Variants in NDST4 observed in about 807,000 individuals in gnomAD.
NDST4 encodes N-deacetylase and N-sulfotransferase 4, also known as N-heparan sulfate sulfotransferase 4.
Under a neutral mutation model 100.8 loss-of-function variants are expected in NDST4, and 63 were observed. The observed-to-expected ratio is 0.62, with a 90% CI of 0.51 to 0.77. The LOEUF is 0.77. Among genes scored for constraint, NDST4 ranks in the 30% least tolerant of loss-of-function variants. The probability of loss-of-function intolerance (pLI) is 0.00; values close to 1 mark genes in which losing one functional copy is unlikely to be tolerated. For missense variants in NDST4, 943 were observed against 1,018.4 expected (o/e 0.93, Z 1.01); for synonymous variants, 377 against 361.8 (o/e 1.04, Z -0.48).
chr4:114,940,122 A>G (rs2126227401), intron 4 of NDST4, among the ~76,000 whole-genome samples: 1 of 152,352 alleles, frequency 6.6e-6, no homozygotes, highest in Non-Finnish European at 1.5e-5. Flanking sequence ...AGACACGTAA[A>G]TGACAGAAAA....
intron 2 of NDST4, among the ~76,000 whole-genome samples, chr4:115,025,948 T>C (rs1310864361): frequency 6.6e-6 from 1 of 152,088 alleles, no homozygotes. Context: ...GTCAGTTGGG[T>C]TCATCAACTA....
At chr4:114,968,187 C>T (rs1314480529) in intron 4 of NDST4, among the ~76,000 whole-genome samples, 1 of 152,184 alleles carries the variant, frequency 6.6e-6, no homozygotes, top group Admixed American at 6.5e-5. Context: ...AGCTTAACAA[C>T]TGGGCATAAC....
At chr4:114,981,238 G>A (rs71606735) in intron 2 of NDST4, among the ~76,000 whole-genome samples, 1 of 151,108 alleles carries the variant, frequency 6.6e-6, no homozygotes, top group Admixed American at 6.6e-5. Flanking sequence ...AGGAAGGAAG[G>A]AAGGAAGGAA....
chr4:114,874,363 A>T (rs929349791), intron 6 of NDST4, among the ~76,000 whole-genome samples: 1 of 152,184 alleles, frequency 6.6e-6, no homozygotes, highest in Admixed American at 6.6e-5. Context: ...GGGCAAATGG[A>T]AAATCTGTCT....
At chr4:115,048,412 T>G (rs1728510117) in intron 2 of NDST4, among the ~76,000 whole-genome samples, 1 of 152,188 alleles carries the variant, frequency 6.6e-6, no homozygotes, top group Admixed American at 6.5e-5. Flanking sequence ...AAAAAAATCC[T>G]TATTCAGCCT....
intron 1 of NDST4, among the ~76,000 whole-genome samples, chr4:115,100,928 GGTTAT>G (rs1182730251): frequency 6.6e-6 from 1 of 151,686 alleles, no homozygotes; most frequent in Non-Finnish European, 1.5e-5. Context: ...AAGCGTGGAT[GGTTAT>G]GTTGTTTGTT....
chr4:114,927,587 G>T (rs1725412071), intron 6 of NDST4, among the ~76,000 whole-genome samples: 1 of 151,752 alleles, frequency 6.6e-6, no homozygotes, highest in South Asian at 2.1e-4. Context: ...ACAAAAACTA[G>T]ATATTAATAT....
intron 4 of NDST4, among the ~76,000 whole-genome samples, chr4:114,954,834 G>A (rs1219244918): frequency 6.6e-6 from 1 of 152,102 alleles, no homozygotes; most frequent in East Asian, 1.9e-4. Flanking sequence ...AACCTTCTTG[G>A]CACTGTCCTT....
At position 114,901,812 on chromosome 4, in the gene NDST4, CTTCTT is replaced by C. The variant is rs377308667; in HGVS notation, c.1537-30867_1537-30863del. Among the ~76,000 whole-genome samples, 299 of 149,506 alleles carry C rather than the reference CTTCTT, an allele frequency of 2.0e-3. 1 individual carries two copies. Among genetic ancestry groups the C allele is most frequent in the African/African-American group, 7.0e-3 (290 of 41,304 alleles). ...TTTTCCTCCCCCTTCCACTCCTTCTCTTCTTTTCTTCTTCCTTTTTTCTTCTTCTT... is the reference window on the plus strand; with the variant it reads ...TTTTCCTCCCCCTTCCACTCCTTCTCTTCTTCTTCCTTTTTTCTTCTTCTT... On this transcript the variant is annotated intron_variant, in intron 6 of 13. Coordinates refer to ENST00000264363, the MANE Select transcript of NDST4 (RefSeq NM_022569.3).
At chr4:114,909,399 G>A (rs914516647) in intron 6 of NDST4, among the ~76,000 whole-genome samples, 2 of 151,946 alleles carry the variant, frequency 1.3e-5, no homozygotes, top group African/African-American at 4.8e-5. Flanking sequence ...GGTGGCTCAC[G>A]CCTGTAATCC....
chr4:115,029,394 C>G (rs1357382555), intron 2 of NDST4, among the ~76,000 whole-genome samples: 25 of 152,050 alleles, frequency 1.6e-4, no homozygotes, highest in Admixed American at 1.6e-3. Flanking sequence ...AGGGACTCTT[C>G]TTCCTCTCTC....
chr4:114,995,212 G>A (rs970286646), intron 2 of NDST4, among the ~76,000 whole-genome samples: 33 of 151,954 alleles, frequency 2.2e-4, no homozygotes, highest in African/African-American at 8.0e-4. Context: ...AGCCAGAACT[G>A]TCTTACTACT....
chr4:114,985,783 C>T (rs181587321), intron 2 of NDST4, among the ~76,000 whole-genome samples: 90 of 152,286 alleles, frequency 5.9e-4, no homozygotes, highest in African/African-American at 1.7e-3. Context: ...GTATCAGTAT[C>T]TACGTTTCAA....
intron 2 of NDST4, among the ~76,000 whole-genome samples, chr4:115,054,156 AATG>A (rs1728644721): frequency 6.6e-6 from 1 of 151,966 alleles, no homozygotes; most frequent in Non-Finnish European, 1.5e-5. Context: ...TATACCTAAA[AATG>A]ATACAACATA....
At chr4:114,975,516 G>A (rs1186676790) in intron 3 of NDST4, among the ~76,000 whole-genome samples, 1 of 152,026 alleles carries the variant, frequency 6.6e-6, no homozygotes, top group African/African-American at 2.4e-5. Context: ...ACTGACTGGA[G>A]TGCTGCTCAT....
intron 4 of NDST4, among the ~76,000 whole-genome samples, chr4:114,943,419 A>C (rs1041765931): frequency 6.6e-6 from 1 of 152,066 alleles, no homozygotes; most frequent in African/African-American, 2.4e-5. Context: ...CAAACTACCA[A>C]ACTTTGCCCT....
At chr4:114,875,277 A>G (rs754357861) in intron 6 of NDST4, among the ~76,000 whole-genome samples, 2 of 152,184 alleles carry the variant, frequency 1.3e-5, no homozygotes, top group Non-Finnish European at 2.9e-5. Flanking sequence ...CAACTTCATT[A>G]TAACCAAACA....
chr4:114,850,402 G>T (rs980977248), intron 8 of NDST4, among the ~76,000 whole-genome samples: 1 of 152,078 alleles, frequency 6.6e-6, no homozygotes, highest in Non-Finnish European at 1.5e-5. Flanking sequence ...GGAGGAGAGA[G>T]CAAGCACTCT....
chr4:114,999,288 C>T (rs1727231688), intron 2 of NDST4, among the ~76,000 whole-genome samples: 1 of 151,990 alleles, frequency 6.6e-6, no homozygotes, highest in African/African-American at 2.4e-5. Flanking sequence ...CTTGTAGGAG[C>T]TCTAGATTTG....
Sources: allele counts gnomAD v4.1 joint callset (sites outside exome capture counted in the v4.1 genomes callset), GRCh38; gene constraint gnomAD v4.1.1; transcripts MANE v1.5; gene names NCBI Gene and HGNC (gene_info 2026-07-23, HGNC 2026-07-21).